DHRS9: variants seen among roughly 807,000 people sequenced by gnomAD.
DHRS9 encodes dehydrogenase/reductase SDR family member 9.
DHRS9 carries 18 observed loss-of-function variants against 26.6 expected under a neutral mutation model. The ratio of observed to expected loss-of-function variants is 0.68; its 90% CI spans 0.47 to 1.00. The LOEUF (loss-of-function observed/expected upper bound fraction) is 1.00. Among genes scored for constraint, DHRS9 ranks in the 50% least tolerant of loss-of-function variants. The pLI, the probability that DHRS9 is intolerant of heterozygous loss-of-function variation, is 0.00. For synonymous variants in DHRS9, 134 were observed against 141.1 expected, an observed-to-expected ratio of 0.95 and a Z score of 0.36; for missense variants, 425 against 378.7, an observed-to-expected ratio of 1.12 and a Z score of -1.01.
At chr2:169,094,340 A>C (rs1399491405) in intron 4 of DHRS9, among the ~76,000 whole-genome samples, 1 of 152,090 alleles carries the variant, frequency 6.6e-6, no homozygotes, top group African/African-American at 2.4e-5. Flanking sequence ...TAAGATATAA[A>C]GTTTGCAAAT....
At chr2:169,086,825 T>C (rs956335488) in intron 3 of DHRS9, among the ~76,000 whole-genome samples, 2 of 152,246 alleles carry the variant, frequency 1.3e-5, no homozygotes, top group African/African-American at 4.8e-5. Context: ...AAGACTCTTG[T>C]TCTCTTCCCT....
At chr2:169,083,084 A>G (rs1684241177) in intron 2 of DHRS9, among the ~76,000 whole-genome samples, 1 of 152,176 alleles carries the variant, frequency 6.6e-6, no homozygotes, top group Non-Finnish European at 1.5e-5. Flanking sequence ...AGAAAGACTC[A>G]CTCACAGAGT....
In DHRS9 at chr2:169,083,322, G is replaced by A. The variant is rs1558953121; in HGVS notation, c.314-7G>A. On this transcript the variant is annotated splice_polypyrimidine_tract_variant and splice_region_variant and intron_variant, in intron 2 of 4. Transcript: ENST00000674881. ...ACCACACCTCTTTTCCTTCCTCTCT[G>A]TTCTAGGTCTCTGGGGTCTGATCAA... 1 of 1,613,314 alleles carries A rather than the reference G, an allele frequency of 6.2e-7. No homozygotes were observed. The highest frequency in any genetic ancestry group is 1.3e-5 in the African/African-American group (1 of 74,888).
chr2:169,086,151 C>T (rs552535856), intron 3 of DHRS9, among the ~76,000 whole-genome samples: 5 of 151,912 alleles, frequency 3.3e-5, no homozygotes, highest in Non-Finnish European at 7.4e-5. Flanking sequence ...TTTTTAGATT[C>T]TGTAGCTATG....
At chr2:169,093,779 C>A (rs1395016258) in intron 4 of DHRS9, among the ~76,000 whole-genome samples, 1 of 152,136 alleles carries the variant, frequency 6.6e-6, no homozygotes, top group Non-Finnish European at 1.5e-5. Flanking sequence ...CCAAAGTAGA[C>A]CACAAATTGA....
chr2:169,081,375 C>T (rs901478979), intron 1 of DHRS9, 148 bp from the exon 2 acceptor site: 2 of 1,106,154 alleles, frequency 1.8e-6, no homozygotes, highest in Admixed American at 3.5e-5. Context: ...TGGCCATCTT[C>T]CCAACAAACA....
rs374313197 is a variant in DHRS9 at position 169,095,653 on chromosome 2, C to T, written c.846C>T (p.Ala282=). Residue 282 remains alanine, a synonymous_variant, in exon 5 of 5, where the codon GCC becomes GCT. Transcript: ENST00000674881. ...GTCTCTTCCCTAAGACTCATTATGCCGCTGGAAAAGATGCCAAAATTTTCT... is the reference window on the plus strand; with the variant it reads ...GTCTCTTCCCTAAGACTCATTATGCTGCTGGAAAAGATGCCAAAATTTTCT... ...LTSLFPKTHY[A]AGKDAKIFWI... 2.4e-4 allele frequency: 392 copies of T among 1,613,830 alleles called. No homozygotes were observed. The highest frequency in any genetic ancestry group is 3.2e-4 in the Non-Finnish European group (381 of 1,179,928).
At position 169,091,841 on chromosome 2, in the gene DHRS9, G is replaced by A; in HGVS notation, c.624G>A (p.Leu208=). 1.2e-6 allele frequency: 2 copies of A among 1,613,962 alleles called. No homozygotes were observed. The highest frequency in any genetic ancestry group is 1.3e-5 in the African/African-American group (1 of 74,990). ...ACGTCTCATGCATTGAACCAGGATT[G>A]TTCAAAACAAACTTGGCAGATCCAG... ...GVHVSCIEPG[L]FKTNLADPVK... is the part of the protein sequence containing the mutation. Residue 208 remains leucine (L), a synonymous_variant, in exon 4 of 5, where the codon TTG becomes TTA. Transcript: ENST00000674881.
At chr2:169,086,881 C>T (rs533248211) in intron 3 of DHRS9, among the ~76,000 whole-genome samples, 1 of 152,176 alleles carries the variant, frequency 6.6e-6, no homozygotes, top group Admixed American at 6.5e-5. Flanking sequence ...TACTGAGCTG[C>T]CTAGAGCTGG....
At chr2:169,067,242 G>A (rs534507090), upstream of DHRS9, 250 of 1,535,492 alleles carry the variant, frequency 1.6e-4, 2 homozygotes, top group South Asian at 2.4e-3. Flanking sequence ...TCCAGAAGTT[G>A]GACCCACCAC....
intron 1 of DHRS9, among the ~76,000 whole-genome samples, chr2:169,073,222 A>G (rs528111217): frequency 6.6e-6 from 1 of 152,356 alleles, no homozygotes; most frequent in South Asian, 2.1e-4. Context: ...TTGAGTGGGA[A>G]TACAGACTGC....
At position 169,082,012 on chromosome 2, in the gene DHRS9, C is replaced by T. The variant is rs1226011906; in HGVS notation, c.313+118C>T. Reference sequence around the variant, plus strand: ...TTTCGAGAAAATGTTTCCTAAATACCGGCTGTGTACTTCTCTAATCTTAGG... The same window carrying T: ...TTTCGAGAAAATGTTTCCTAAATACTGGCTGTGTACTTCTCTAATCTTAGG... On this transcript the variant is annotated intron_variant, in intron 2 of 4. Coordinates refer to ENST00000674881, the MANE Select transcript of DHRS9 (RefSeq NM_001376924.1). 2.0e-4 allele frequency: 198 copies of T among 1,012,154 alleles called. 1 individual carries two copies. Among genetic ancestry groups the T allele is most frequent in the Non-Finnish European group, 8.4e-5 (59 of 702,578 alleles). The allele number at this position is 1,012,154 out of a possible 1,614,324, so 62.7% of individuals were successfully genotyped here.
chr2:169,095,467 C>A, intron 4 of DHRS9, 77 bp from the exon 5 acceptor site: 1 of 1,128,064 alleles, frequency 8.9e-7, no homozygotes, highest in Non-Finnish European at 1.3e-6. Context: ...TTGTATCCAT[C>A]CTCCCCTTTG....
At chr2:169,076,735 G>A (rs577084442) in intron 1 of DHRS9, among the ~76,000 whole-genome samples, 7 of 152,234 alleles carry the variant, frequency 4.6e-5, no homozygotes, top group East Asian at 3.9e-4. Context: ...CCATTCAGTC[G>A]AAAATTCATG....
intron 1 of DHRS9, among the ~76,000 whole-genome samples, chr2:169,078,386 C>T (rs1435592657): frequency 1.3e-5 from 2 of 152,140 alleles, no homozygotes; most frequent in African/African-American, 2.4e-5. Context: ...CAAATAATTC[C>T]CCTGGGAGTT....
intron 3 of DHRS9, among the ~76,000 whole-genome samples, chr2:169,088,857 G>A (rs1186884519): frequency 1.3e-5 from 2 of 152,224 alleles, no homozygotes; most frequent in African/African-American, 4.8e-5. Flanking sequence ...TTTACTGTCA[G>A]TTGCAGACAC....
chr2:169,077,967 C>G (rs937441119), intron 1 of DHRS9, among the ~76,000 whole-genome samples: 1 of 152,182 alleles, frequency 6.6e-6, no homozygotes, highest in African/African-American at 2.4e-5. Context: ...ACTTTTATCC[C>G]TGCCTCTCAG....
chr2:169,068,656 A>T (rs1174647218), upstream of DHRS9, among the ~76,000 whole-genome samples: 2 of 152,100 alleles, frequency 1.3e-5, no homozygotes, highest in Admixed American at 1.3e-4. Flanking sequence ...CAGTGTCCTG[A>T]CTCTACCTAG....
chr2:169,087,269 G>A (rs1482738678), intron 3 of DHRS9, among the ~76,000 whole-genome samples: 1 of 152,060 alleles, frequency 6.6e-6, no homozygotes, highest in African/African-American at 2.4e-5. Flanking sequence ...TACCACCTCA[G>A]GCCTGCGGGA....
Sources: allele counts gnomAD v4.1 joint callset (sites outside exome capture counted in the v4.1 genomes callset), GRCh38; gene constraint gnomAD v4.1.1; transcripts MANE v1.5; gene names NCBI Gene and HGNC (gene_info 2026-07-23, HGNC 2026-07-21).